HNRNPLL: variants seen among roughly 807,000 people sequenced by gnomAD.
HNRNPLL encodes heterogeneous nuclear ribonucleoprotein L like.
In HNRNPLL, 25 loss-of-function variants were observed where a neutral mutation model predicts 67.1. The ratio of observed to expected loss-of-function variants is 0.37; its 90% CI spans 0.27 to 0.52. The LOEUF is 0.52. HNRNPLL is among the 20% of genes least tolerant of loss of function. HNRNPLL has a pLI of 0.90. For missense variants in HNRNPLL, 542 were observed against 673.9 expected, an observed-to-expected ratio of 0.80 and a Z score of 2.17; for synonymous variants, 267 against 241.7, an observed-to-expected ratio of 1.10 and a Z score of -0.97.
intron 10 of HNRNPLL, 125 bp from the exon 11 acceptor site, chr2:38,568,568 G>A (rs1665958328): frequency 1.6e-6 from 1 of 619,812 alleles, no homozygotes; most frequent in Non-Finnish European, 2.8e-6. Context: ...AATCAAGTAT[G>A]TTTTCTACAT....
chr2:38,593,976 C>T (rs1427647114), intron 1 of HNRNPLL, among the ~76,000 whole-genome samples: 2 of 152,100 alleles, frequency 1.3e-5, no homozygotes, highest in Non-Finnish European at 2.9e-5. Flanking sequence ...AGTTCGAGAC[C>T]ACCCTGGCTA....
intron 1 of HNRNPLL, among the ~76,000 whole-genome samples, chr2:38,592,381 G>A (rs998807104): frequency 1.8e-4 from 28 of 152,254 alleles, no homozygotes; most frequent in African/African-American, 5.3e-4. Context: ...TTCCTGTAAC[G>A]TAGTAGATTT....
At chr2:38,598,714 C>T (rs572314550) in intron 1 of HNRNPLL, among the ~76,000 whole-genome samples, 2 of 152,320 alleles carry the variant, frequency 1.3e-5, no homozygotes, top group African/African-American at 4.8e-5. Flanking sequence ...AGAGCCAATA[C>T]ACTTGCCTTG....
intron 2 of HNRNPLL, among the ~76,000 whole-genome samples, chr2:38,589,439 T>C (rs1346748968): frequency 6.6e-6 from 1 of 152,220 alleles, no homozygotes; most frequent in African/African-American, 2.4e-5. Context: ...TCAGCCTTAA[T>C]AGCAGCCACC....
chr2:38,575,388 C>A (rs1365250833), intron 7 of HNRNPLL, among the ~76,000 whole-genome samples: 1 of 151,776 alleles, frequency 6.6e-6, no homozygotes. Context: ...CATTTTTCAT[C>A]TTTCAAGCTT....
At chr2:38,593,992 G>T (rs1667071988) in intron 1 of HNRNPLL, among the ~76,000 whole-genome samples, 1 of 152,110 alleles carries the variant, frequency 6.6e-6, no homozygotes, top group South Asian at 2.1e-4. Context: ...GGCTAACACG[G>T]TGAAACCCCG....
chr2:38,592,663 C>G (rs529939634), intron 1 of HNRNPLL, among the ~76,000 whole-genome samples: 1 of 152,232 alleles, frequency 6.6e-6, no homozygotes, highest in East Asian at 1.9e-4. Context: ...AGTATCTGTA[C>G]GAATTACTTT....
At chr2:38,583,587 C>CAA (rs1343376182) in intron 4 of HNRNPLL, among the ~76,000 whole-genome samples, 12 of 152,110 alleles carry the variant, frequency 7.9e-5, no homozygotes, top group Admixed American at 7.2e-4. Flanking sequence ...CAAAATAGTA[C>CAA]AAGTGTACAT....
chr2:38,592,781 T>C (rs1338690433), intron 1 of HNRNPLL, among the ~76,000 whole-genome samples: 1 of 152,262 alleles, frequency 6.6e-6, no homozygotes, highest in Admixed American at 6.5e-5. Flanking sequence ...CAGAAATGAC[T>C]TCCACCGTGT....
intron 2 of HNRNPLL, among the ~76,000 whole-genome samples, chr2:38,587,405 AG>A (rs1666779029): frequency 6.6e-6 from 1 of 152,202 alleles, no homozygotes; most frequent in Admixed American, 6.5e-5. Context: ...TTCTGTCCTC[AG>A]AAGCTAGAAA....
At chr2:38,601,118 T>C (rs1425052063) in intron 1 of HNRNPLL, among the ~76,000 whole-genome samples, 1 of 152,194 alleles carries the variant, frequency 6.6e-6, no homozygotes, top group African/African-American at 2.4e-5. Flanking sequence ...GAAAAAACCA[T>C]TTCCTTTATT....
At chr2:38,570,321 G>A (rs1414244211) in intron 8 of HNRNPLL, among the ~76,000 whole-genome samples, 1 of 152,122 alleles carries the variant, frequency 6.6e-6, no homozygotes, top group African/African-American at 2.4e-5. Flanking sequence ...ACTGTGGTAG[G>A]TACTGGGGAT....
intron 1 of HNRNPLL, among the ~76,000 whole-genome samples, chr2:38,601,429 TAAA>T (rs767375052): frequency 6.6e-6 from 1 of 152,242 alleles, no homozygotes; most frequent in African/African-American, 2.4e-5. Context: ...GTAATTCTGT[TAAA>T]GTTTGCAGAA....
chr2:38,586,775 T>C (rs1666752393), intron 2 of HNRNPLL, among the ~76,000 whole-genome samples: 1 of 152,166 alleles, frequency 6.6e-6, no homozygotes. Flanking sequence ...GGAGTGTCTA[T>C]GAGCAGGAGG....
At chr2:38,576,051 A>C (rs1666289746) in intron 7 of HNRNPLL, among the ~76,000 whole-genome samples, 2 of 151,930 alleles carry the variant, frequency 1.3e-5, no homozygotes, top group East Asian at 1.9e-4. Flanking sequence ...TTAAAAATAA[A>C]AAATTTTGGC....
chr2:38,600,018 C>T (rs1667359880), intron 1 of HNRNPLL: 4 of 427,634 alleles, frequency 9.4e-6, no homozygotes, highest in East Asian at 1.5e-4. Context: ...CGAAGAAGCA[C>T]AAGACAGTAA....
chr2:38,602,894 C>T lies in HNRNPLL; in HGVS notation c.-268G>A, dbSNP rs919591391. On this transcript the variant is annotated 5_prime_UTR_variant, in exon 1 of 13. Coordinates refer to ENST00000449105, the MANE Select transcript of HNRNPLL (RefSeq NM_138394.4). The stretch of plus-strand genomic sequence containing the variant: ...CAGCCTCTCCCTCCTCCTCCTCCGT[C>T]TCCGCTCCCTGCCCGGAGGAGCGAA... 3 of 1,545,724 alleles carry T rather than the reference C, an allele frequency of 1.9e-6. No individual in the cohort carries two copies. Among genetic ancestry groups the T allele is most frequent in the Non-Finnish European group, 1.7e-6 (2 of 1,143,184 alleles).
rs185803352 is a variant in HNRNPLL, at chr2:38,588,505, C to T, written c.309-2624G>A. 2.8e-4 allele frequency among the ~76,000 whole-genome samples: 39 copies of T among 136,962 alleles called. No individual in the cohort carries two copies. In the East Asian group the frequency reaches 8.2e-3, roughly 29 times the overall value. 89.9% of individuals were successfully genotyped at this position (136,962 alleles called of 152,430 possible). A position where few individuals can be genotyped will look rare whatever the true frequency, so the allele number is the denominator to read the frequency against. On this transcript the variant is annotated intron_variant, in intron 2 of 12. Transcript: ENST00000449105. The stretch of plus-strand genomic sequence containing the variant: ...CAGAGGTTGCAGTGAGCCAAGATCG[C>T]GCCACTGCACCAGCTTGGGTGACAG...
chr2:38,566,081 C>G (rs1400266300), intron 12 of HNRNPLL: 2 of 987,668 alleles, frequency 2.0e-6, no homozygotes, highest in Non-Finnish European at 1.2e-6. Context: ...CAAAAAGTTT[C>G]AAAAATTAAA....
Sources: gnomAD v4.1 joint callset for allele counts (sites outside exome capture counted in the v4.1 genomes callset) on GRCh38, gnomAD v4.1.1 for gene constraint, MANE v1.5 for transcripts, NCBI Gene and HGNC (gene_info 2026-07-23, HGNC 2026-07-21) for gene names.